LTBP1: variants seen among roughly 807,000 people sequenced by gnomAD.
LTBP1 encodes latent-transforming growth factor beta-binding protein 1.
In LTBP1, 129 loss-of-function variants were observed where a neutral mutation model predicts 207.6. That is an observed-to-expected ratio of 0.62 (90% CI 0.54 to 0.72). The LOEUF (loss-of-function observed/expected upper bound fraction) is 0.72, where lower values mean the gene tolerates loss of function less well. LTBP1 is among the 30% of genes least tolerant of loss of function. The probability of loss-of-function intolerance (pLI) is 0.00; values close to 1 mark genes in which losing one functional copy is unlikely to be tolerated. For missense variants in LTBP1, 2,281 were observed against 2,217.2 expected, an observed-to-expected ratio of 1.03 and a Z score of -0.58; for synonymous variants, 963 against 833.7, an observed-to-expected ratio of 1.16 and a Z score of -2.67.
intron 31 of LTBP1, among the ~76,000 whole-genome samples, chr2:33,376,297 G>T (rs1018188937): frequency 1.3e-5 from 2 of 152,180 alleles, no homozygotes; most frequent in African/African-American, 4.8e-5. Context: ...GTTCTCTGAT[G>T]ATATGATTCT....
rs1201181257 is a variant in LTBP1, at chr2:32,947,347, G to C, written c.23G>C (p.Trp8Ser). The change falls in exon 1 of 34, where the codon TGG (tryptophan) becomes TCG (serine). Residue 8 changes from tryptophan to serine, a missense_variant. Trp to Ser is a radical substitution (Grantham distance 177, BLOSUM62 -3). This residue lies in a region of LTBP1 where 555 missense variants were observed against 491.0 expected (regional missense o/e 1.13). Coordinates refer to ENST00000404816, the MANE Select transcript of LTBP1 (RefSeq NM_206943.4). ...GCGATGGCGGGGGCCTGGCTCAGGT[G>C]GGGGCTCCTGCTCTGGGCAGGGCTC... MAGAWLRWGLLLWAGLLA... is the reference protein window; with the variant it reads MAGAWLRSGLLLWAGLLA... 8 of 1,262,866 alleles carry C rather than the reference G, an allele frequency of 6.3e-6. No homozygotes were observed. Among genetic ancestry groups the C allele is most frequent in the African/African-American group, 1.6e-5 (1 of 64,004 alleles). 78.2% of individuals were successfully genotyped at this position (1,262,866 alleles called of 1,614,324 possible).
intron 17 of LTBP1, 50 bp downstream of exon 17, chr2:33,275,140 G>T: frequency 8.1e-6 from 13 of 1,606,052 alleles, no homozygotes; most frequent in Non-Finnish European, 1.1e-5. Flanking sequence ...TGAGTTTTTA[G>T]ATCCCCTAAG....
Position 33,397,146 on chromosome 2 carries a change from C to T in LTBP1, c.4848C>T (p.Ser1616=). Residue 1616 remains serine, a synonymous_variant, in exon 33 of 34, where the codon AGC becomes AGT. Coordinates refer to ENST00000404816, the MANE Select transcript of LTBP1 (RefSeq NM_206943.4). ...PYFIQDRFLN[S]FEELQAEECG... is the part of the protein sequence containing the mutation. The stretch of plus-strand genomic sequence containing the variant: ...TTTCCTTTCCAGGTTTTCTAAATAG[C>T]TTTGAGGAGTTACAGGCTGAGGAAT... The T allele has an allele frequency of 1.2e-6, 2 of 1,613,838 alleles. No individual in the cohort carries two copies. The highest frequency in any genetic ancestry group is 1.7e-6 in the Non-Finnish European group (2 of 1,179,886).
At chr2:33,072,918 A>G (rs550663719) in intron 3 of LTBP1, among the ~76,000 whole-genome samples, 1 of 152,188 alleles carries the variant, frequency 6.6e-6, no homozygotes, top group Non-Finnish European at 1.5e-5. Flanking sequence ...GGGGGCGAGG[A>G]TATGTACTCC....
chr2:33,263,619 T>C (rs905917721), intron 15 of LTBP1, among the ~76,000 whole-genome samples: 2 of 151,810 alleles, frequency 1.3e-5, no homozygotes, highest in African/African-American at 4.8e-5. Context: ...TTGAAAAGAG[T>C]AGTTAATATC....
chr2:33,270,589 C>CAA (rs397961095), intron 15 of LTBP1, among the ~76,000 whole-genome samples: 12,154 of 74,602 alleles, frequency 0.16, 1,321 homozygotes, highest in East Asian at 0.26. Flanking sequence ...GACTCCGTCT[C>CAA]AAAAAAAAAA....
chr2:32,951,866 T>G (rs1428620788), intron 2 of LTBP1, among the ~76,000 whole-genome samples: 1 of 152,182 alleles, frequency 6.6e-6, no homozygotes, highest in Non-Finnish European at 1.5e-5. Context: ...ATGCGGAGAT[T>G]GAACAATTAC....
At position 32,968,123 on chromosome 2, in the gene LTBP1, T is replaced by A. The variant is rs139346728; in HGVS notation, c.565+19178T>A. Among the ~76,000 whole-genome samples, 455 of 152,284 alleles carry A rather than the reference T, an allele frequency of 3.0e-3. 1 individual carries two copies. Among genetic ancestry groups the A allele is most frequent in the African/African-American group, 0.01 (436 of 41,566 alleles). On this transcript the variant is annotated intron_variant, in intron 2 of 33. Coordinates refer to ENST00000404816, the MANE Select transcript of LTBP1 (RefSeq NM_206943.4). ...CTGGGACTACAGGTAGATGCCACCA[T>A]GCCTGACTAATTTTTGTATTTTTTG...
In LTBP1 at chr2:33,387,732, T is replaced by TG. The variant is rs1399080370; in HGVS notation, c.4712-1448dup. 1.4e-4 allele frequency among the ~76,000 whole-genome samples: 8 copies of TG among 57,404 alleles called. No homozygotes were observed. The South Asian group carries it at 2.7e-3, about 19-fold the overall frequency. The allele number at this position is 57,404 out of a possible 152,430, so 37.7% of individuals were successfully genotyped here. A position where few individuals can be genotyped will look rare whatever the true frequency, so the allele number is the denominator to read the frequency against. On this transcript the variant is annotated intron_variant, in intron 31 of 33. Transcript: ENST00000404816. ...TTCAGGGTTCACAGTATTGCCTTGG[T>TG]GGGGTTTTTTTTTTTTGTATGTTGC...
intron 7 of LTBP1, among the ~76,000 whole-genome samples, chr2:33,192,039 T>C (rs950234442): frequency 6.6e-6 from 1 of 152,146 alleles, no homozygotes; most frequent in African/African-American, 2.4e-5. Flanking sequence ...AAATGGATGA[T>C]TGATGAGGAA....
chr2:32,962,001 G>A (rs117966265), intron 2 of LTBP1, among the ~76,000 whole-genome samples: 2 of 151,510 alleles, frequency 1.3e-5, no homozygotes, highest in East Asian at 1.9e-4. Flanking sequence ...TAAACATAAG[G>A]TGACCTTATT....
intron 26 of LTBP1, among the ~76,000 whole-genome samples, chr2:33,352,892 C>T (rs751456045): frequency 2.0e-5 from 3 of 151,542 alleles, no homozygotes; most frequent in Non-Finnish European, 2.9e-5. Context: ...TTACCCCAAA[C>T]AATTACGCTT....
chr2:33,276,858 C>G (rs954878369), intron 18 of LTBP1, among the ~76,000 whole-genome samples: 1 of 151,956 alleles, frequency 6.6e-6, no homozygotes, highest in Non-Finnish European at 1.5e-5. Flanking sequence ...CTCCAAAAAA[C>G]AAAGCAAAAC....
intron 3 of LTBP1, among the ~76,000 whole-genome samples, chr2:33,070,071 C>T (rs950260965): frequency 2.0e-5 from 3 of 152,162 alleles, no homozygotes; most frequent in Admixed American, 6.5e-5. Flanking sequence ...TTTGACTCAG[C>T]GATGTGTCAC....
At chr2:33,254,852 G>GT (rs70938393) in intron 11 of LTBP1, among the ~76,000 whole-genome samples, 478 of 10,362 alleles carry the variant, frequency 0.046, 55 homozygotes, top group Non-Finnish European at 0.053. Context: ...GCGGTGTTTG[G>GT]TTTTTTTTTT....
intron 3 of LTBP1, among the ~76,000 whole-genome samples, chr2:33,063,900 C>A (rs969383592): frequency 6.6e-6 from 1 of 150,388 alleles, no homozygotes; most frequent in African/African-American, 2.4e-5. Flanking sequence ...GTCGCTCAGG[C>A]TAGAGTGCAA....
At chr2:33,314,491 G>C (rs2094236224) in intron 23 of LTBP1, among the ~76,000 whole-genome samples, 3 of 152,304 alleles carry the variant, frequency 2.0e-5, no homozygotes, top group Middle Eastern at 6.8e-3. Context: ...TGAGACTGCA[G>C]TGAGCCATGA....
At chr2:33,024,676 T>G (rs1365196910) in intron 3 of LTBP1, among the ~76,000 whole-genome samples, 1 of 152,176 alleles carries the variant, frequency 6.6e-6, no homozygotes, top group Non-Finnish European at 1.5e-5. Flanking sequence ...GGATGGCTCC[T>G]TAGAGAAGGT....
chr2:33,324,343 A>C (rs116592569), intron 24 of LTBP1, among the ~76,000 whole-genome samples: 5,416 of 151,956 alleles, frequency 0.036, 307 homozygotes, highest in African/African-American at 0.12. Flanking sequence ...ATTAATTCTT[A>C]CTGTGCCTAA....
Sources: gnomAD v4.1 joint callset for allele counts (sites outside exome capture counted in the v4.1 genomes callset) on GRCh38, gnomAD v4.1.1 for gene constraint, gnomAD v4.1.1 regional missense constraint, MANE v1.5 for transcripts, NCBI Gene and HGNC (gene_info 2026-07-23, HGNC 2026-07-21) for gene names.